Variants in SLC41A3 observed in about 807,000 individuals in gnomAD.
The protein encoded by SLC41A3 is SLC41A1-like 2.
SLC41A3 carries 44 observed loss-of-function variants against 45.4 expected under a neutral mutation model. The observed-to-expected ratio is 0.97, with a 90% CI of 0.76 to 1.25. The LOEUF (loss-of-function observed/expected upper bound fraction) is 1.25, where lower values mean the gene tolerates loss of function less well. Ranked by LOEUF, SLC41A3 falls within the 50% of genes most tolerant of loss-of-function variation. SLC41A3 has a pLI of 0.00. For synonymous variants in SLC41A3, 256 were observed against 252.4 expected (o/e 1.01, Z -0.13); for missense variants, 550 against 600.6 (o/e 0.92, Z 0.88).
intron 2 of SLC41A3, among the ~76,000 whole-genome samples, chr3:126,058,458 T>C (rs1204999475): frequency 6.6e-6 from 1 of 152,158 alleles, no homozygotes; most frequent in Non-Finnish European, 1.5e-5. Flanking sequence ...CTCTCCCAAG[T>C]GGCCTGCCTC....
At chr3:126,063,949 A>AACCCCCCC in intron 2 of SLC41A3, among the ~76,000 whole-genome samples, 1 of 101,996 alleles carries the variant, frequency 9.8e-6, no homozygotes, top group Non-Finnish European at 2.1e-5. Context: ...GCCAGATCCA[A>AACCCCCCC]CCCCCCCCCG....
Position 126,051,015 on chromosome 3 carries a change from CA to C in SLC41A3, c.308del (p.Leu103Ter), listed in dbSNP as rs768315866. 4 of 1,612,034 alleles carry C rather than the reference CA, an allele frequency of 2.5e-6. No homozygotes were observed. The East Asian group carries it at 8.9e-5, about 36-fold the overall frequency. On this transcript the variant is annotated frameshift_variant, in exon 3 of 11. Transcript: ENST00000360370. LOFTEE classifies it high-confidence loss of function. Reference protein sequence around the residue: ...WPVFVEVKDLLTLVPPLVGLK... With the variant: ...WPVFVEVKDLXTLVPPLVGLK... ...GGCCCACCAGGGGCGGCACCAATGT[CA>C]AAAGGTCTTTCACCTCCACAAACAC...
At chr3:126,019,679 G>A (rs1940657307) in intron 6 of SLC41A3, among the ~76,000 whole-genome samples, 1 of 152,106 alleles carries the variant, frequency 6.6e-6, no homozygotes, top group African/African-American at 2.4e-5. Flanking sequence ...CAGACACTGG[G>A]GCTTATGACT....
At chr3:126,007,327 G>A in intron 10 of SLC41A3, 102 bp from the exon 11 acceptor site, 1 of 1,285,246 alleles carries the variant, frequency 7.8e-7, no homozygotes, top group South Asian at 1.4e-5. Flanking sequence ...AAGGTGGACA[G>A]GTCAACCCCA....
Position 126,021,248 on chromosome 3 carries a change from T to G in SLC41A3, c.745+1538A>C, listed in dbSNP as rs148444288. On this transcript the variant is annotated intron_variant, in intron 6 of 10. Coordinates refer to ENST00000360370, the MANE Select transcript of SLC41A3 (RefSeq NM_017836.4). The stretch of plus-strand genomic sequence containing the variant: ...TCCTGGGCTTTCTGTGTCCTCCTTT[T>G]GTTCTTCCCCTGGGCGGGCCTTTAT... 2.6e-5 allele frequency among the ~76,000 whole-genome samples: 4 copies of G among 152,274 alleles called. No individual in the cohort carries two copies. The East Asian group carries it at 7.7e-4, about 29-fold the overall frequency.
chr3:126,023,962 G>A (rs2107713791), intron 5 of SLC41A3: 1 of 152,342 alleles, frequency 6.6e-6, no homozygotes, highest in Admixed American at 6.5e-5. Context: ...TGCCTTGCCT[G>A]ATCTTGTGAA....
At chr3:126,038,714 G>A (rs11709051) in intron 3 of SLC41A3, among the ~76,000 whole-genome samples, 50,734 of 152,136 alleles carry the variant, frequency 0.33, 8,676 homozygotes, top group Middle Eastern at 0.44. Context: ...GTGCTGGAAT[G>A]AGTTAAGACT....
rs1940129860 is a variant in SLC41A3, at chr3:126,015,012, A to G, written c.970+482T>C. On this transcript the variant is annotated intron_variant, in intron 8 of 10. Transcript: ENST00000360370. ...CAGGCACTGCTGCAGTGCCCAGGGT[A>G]GAGACCCGGTATTTGTTACAGTCTT... 2.0e-5 allele frequency among the ~76,000 whole-genome samples: 3 copies of G among 152,226 alleles called. No homozygotes were observed. In the South Asian group the frequency reaches 6.2e-4, roughly 32 times the overall value.
chr3:126,079,279 GAC>G (rs63354060), intron 1 of SLC41A3, among the ~76,000 whole-genome samples: 20,380 of 145,750 alleles, frequency 0.14, 1,556 homozygotes, highest in African/African-American at 0.18. Flanking sequence ...AAGGGTAAGG[GAC>G]ACACACACAC....
chr3:126,046,676 A>T (rs1336855862), intron 3 of SLC41A3, among the ~76,000 whole-genome samples: 2 of 152,188 alleles, frequency 1.3e-5, no homozygotes, highest in East Asian at 3.9e-4. Flanking sequence ...AGATATCAAT[A>T]CTAGGCTGGG....
In SLC41A3 at chr3:126,008,761, C is replaced by A. The variant is rs779942126; in HGVS notation, c.1225G>T (p.Val409Leu). 1 of 1,614,048 alleles carries A rather than the reference C, an allele frequency of 6.2e-7. No individual in the cohort carries two copies. The highest frequency in any genetic ancestry group is 1.3e-5 in the African/African-American group (1 of 75,020). Residue 409 changes from valine (V) to leucine (L), a missense_variant, in exon 10 of 11, where the codon GTG becomes TTG. Physicochemically the swap from Val to Leu is conservative, Grantham distance 32. Transcript: ENST00000360370. Reference sequence around the variant, plus strand: ...ATCAGGCCTGCCAGCAGGTAGAGCACCACAAAGGTCTGGCTGTTTATGACT... The same window carrying A: ...ATCAGGCCTGCCAGCAGGTAGAGCAACACAAAGGTCTGGCTGTTTATGACT... ...QSVINSQTFV[V>L]LYLLAGLIQV...
chr3:126,099,186 T>C (rs1047447119), intron 1 of SLC41A3, among the ~76,000 whole-genome samples: 1 of 152,106 alleles, frequency 6.6e-6, no homozygotes, highest in Non-Finnish European at 1.5e-5. Context: ...CTCAGCTACT[T>C]TGCAATTGAA....
chr3:126,027,478 G>A (rs749185464), intron 4 of SLC41A3, among the ~76,000 whole-genome samples: 9 of 152,064 alleles, frequency 5.9e-5, no homozygotes, highest in Non-Finnish European at 8.8e-5. Flanking sequence ...ACAGCCTGTG[G>A]AACCGTAAGC....
chr3:126,087,425 A>G (rs1945414313), upstream of SLC41A3, among the ~76,000 whole-genome samples: 1 of 152,042 alleles, frequency 6.6e-6, no homozygotes, highest in African/African-American at 2.4e-5. Flanking sequence ...ATAATTTAGG[A>G]CCTCAGGTTA....
intron 1 of SLC41A3, among the ~76,000 whole-genome samples, chr3:126,080,849 G>A (rs1031080200): frequency 1.3e-5 from 2 of 152,146 alleles, no homozygotes; most frequent in Non-Finnish European, 2.9e-5. Context: ...TACTTGGGAG[G>A]CTGAGGCATG....
chr3:126,034,381 T>C (rs1429497321), intron 3 of SLC41A3, among the ~76,000 whole-genome samples: 1 of 152,242 alleles, frequency 6.6e-6, no homozygotes, highest in Non-Finnish European at 1.5e-5. Context: ...AGCAAATATA[T>C]TTTCCTAGAT....
intron 2 of SLC41A3, among the ~76,000 whole-genome samples, chr3:126,054,903 T>C (rs1943561198): frequency 6.6e-6 from 1 of 152,000 alleles, no homozygotes; most frequent in Non-Finnish European, 1.5e-5. Flanking sequence ...GGTATTCAGG[T>C]TGCAAGCCCA....
Position 126,093,051 on chromosome 3 carries a change from A to G in SLC41A3, c.-79+8378T>C, listed in dbSNP as rs183133295. On this transcript the variant is annotated intron_variant, in intron 1 of 9. Coordinates refer to the SLC41A3 transcript ENST00000508835. The stretch of plus-strand genomic sequence containing the variant: ...ACCTCAAGCGACCGCTTTCAGTTCT[A>G]TTTAGGCAAGAATCCAGCAAGCTAG... Among the ~76,000 whole-genome samples the G allele has an allele frequency of 2.9e-3, 443 of 152,304 alleles. 3 individuals are homozygous for G. The highest frequency in any genetic ancestry group is 0.01 in the African/African-American group (419 of 41,566).
intron 1 of SLC41A3, among the ~76,000 whole-genome samples, chr3:126,080,644 G>A (rs1348279686): frequency 1.3e-5 from 2 of 152,212 alleles, no homozygotes; most frequent in East Asian, 3.9e-4. Context: ...GAACAGTATG[G>A]AAGTTCCTTT....
Sources: gnomAD v4.1 joint callset for allele counts (sites outside exome capture counted in the v4.1 genomes callset) on GRCh38, gnomAD v4.1.1 for gene constraint, MANE v1.5 for transcripts, NCBI Gene and HGNC (gene_info 2026-07-23, HGNC 2026-07-21) for gene names.